The following ELL3 variants were observed in gnomAD, a reference collection of about 807,000 sequenced individuals.
ELL3 encodes RNA polymerase II elongation factor ELL3.
ELL3 carries 48 observed loss-of-function variants against 58.5 expected under a neutral mutation model. That is an observed-to-expected ratio of 0.82 (90% CI 0.65 to 1.04). The LOEUF is 1.04. Among genes scored for constraint, ELL3 ranks in the 50% least tolerant of loss-of-function variants. The pLI is 0.00. For synonymous variants in ELL3, 174 were observed against 173.2 expected, an observed-to-expected ratio of 1.00 and a Z score of -0.04; for missense variants, 458 against 478.4, an observed-to-expected ratio of 0.96 and a Z score of 0.40.
Position 43,776,944 on chromosome 15 carries a change from G to T in ELL3, c.-43C>A. On this transcript the variant is annotated 5_prime_UTR_variant, in exon 1 of 11. Coordinates refer to ENST00000319359, the MANE Select transcript of ELL3 (RefSeq NM_025165.3). Reference sequence around the variant, plus strand: ...CAAGCAGCACGGGGGCCACAGGCGAGGGCCACCACCGCCACCTCCTCTGTT... The same window carrying T: ...CAAGCAGCACGGGGGCCACAGGCGATGGCCACCACCGCCACCTCCTCTGTT... 6.2e-7 allele frequency: 1 copy of T among 1,602,132 alleles called. No individual in the cohort carries two copies. The highest frequency in any genetic ancestry group is 8.5e-7 in the Non-Finnish European group (1 of 1,178,536).
Position 43,775,626 on chromosome 15 carries a change from G to C in ELL3, c.484-16C>G. On this transcript the variant is annotated splice_polypyrimidine_tract_variant and intron_variant, in intron 4 of 10. Transcript: ENST00000319359. ...ACACTGACACCTGGTGGGGAAAGTG[G>C]CAGGAGCACTTGGTTCCCTGGAGTA... is the stretch of plus-strand genomic sequence containing the variant. 1 of 1,614,152 alleles carries C rather than the reference G, an allele frequency of 6.2e-7. No homozygotes were observed. The highest frequency in any genetic ancestry group is 8.5e-7 in the Non-Finnish European group (1 of 1,180,022).
At chr15:43,773,412 G>A in intron 9 of ELL3, 64 bp from the exon 10 acceptor site, 1 of 1,579,038 alleles carries the variant, frequency 6.3e-7, no homozygotes, top group Non-Finnish European at 8.7e-7. Context: ...GGCCAGGCAT[G>A]GTGGCTCACG....
At chr15:43,773,754 C>T (rs906101537) in intron 9 of ELL3, among the ~76,000 whole-genome samples, 14 of 151,838 alleles carry the variant, frequency 9.2e-5, no homozygotes, top group Non-Finnish European at 1.8e-4. Flanking sequence ...GTAATCCCAG[C>T]GCTTTGGGAG....
In ELL3 at chr15:43,775,607, A is replaced by T. The variant is rs779697747; in HGVS notation, c.487T>A (p.Ser163Thr). The T allele has an allele frequency of 2.5e-6, 4 of 1,614,164 alleles. No individual in the cohort carries two copies. Among genetic ancestry groups the T allele is most frequent in the South Asian group, 2.2e-5 (2 of 91,080 alleles). ...TTGCTTGCCAGTGGATCTGACACTG[A>T]CACCTGGTGGGGAAAGTGGCAGGAG... ...SQPQMALEEVSVSDPLASNQG... is the reference protein window; with the variant it reads ...SQPQMALEEVTVSDPLASNQG... Residue 163 changes from serine to threonine, a missense_variant, in exon 5 of 11, where the codon TCA becomes ACA. Coordinates refer to ENST00000319359, the MANE Select transcript of ELL3 (RefSeq NM_025165.3).
chr15:43,775,129 C>A (rs929854644), intron 6 of ELL3, among the ~76,000 whole-genome samples, 177 bp downstream of exon 6: 4 of 151,948 alleles, frequency 2.6e-5, no homozygotes, highest in Admixed American at 2.0e-4. Context: ...ATGGCCTGAG[C>A]CCAGGAGTCT....
intron 2 of ELL3, 47 bp downstream of exon 2, chr15:43,776,462 T>A: frequency 1.3e-6 from 2 of 1,555,090 alleles, no homozygotes; most frequent in Non-Finnish European, 1.7e-6. Flanking sequence ...CCCACGTTTA[T>A]GCTCCCTCGC....
At position 43,773,122 on chromosome 15, in the gene ELL3, G is replaced by A. The variant is rs753020171; in HGVS notation, c.1188C>T (p.Gly396=). Residue 396 remains glycine, a synonymous_variant, in exon 11 of 11, where the codon GGC becomes GGT. Coordinates refer to ENST00000319359, the MANE Select transcript of ELL3 (RefSeq NM_025165.3). ...LILEFEEKNR[G]S ...AAAAATTCCCTTGATAACTTCAGCT[G>A]CCCCTGTTCTTTTCCTCAAACTCCA... 14 of 1,603,686 alleles carry A rather than the reference G, an allele frequency of 8.7e-6. No homozygotes were observed. Among genetic ancestry groups the A allele is most frequent in the Non-Finnish European group, 1.2e-5 (14 of 1,176,952 alleles).
Position 43,776,544 on chromosome 15 carries a change from C to T in ELL3, c.133G>A (p.Val45Ile), listed in dbSNP as rs201169965. 66 of 1,567,572 alleles carry T rather than the reference C, an allele frequency of 4.2e-5. No individual in the cohort carries two copies. In the Middle Eastern group the frequency reaches 5.0e-4, roughly 12 times the overall value. The stretch of plus-strand genomic sequence containing the variant: ...CCTTGGAAAGCAATCACCGGCCGTA[C>T]CTGCGGGGAGAGCGAAGATGTGACC... ...RALQECQRQQ[V>I]RPVIAFQGHR... Residue 45 changes from valine (V) to isoleucine (I), a missense_variant and splice_region_variant, in exon 2 of 11, where the codon GTA becomes ATA. Coordinates refer to ENST00000319359, the MANE Select transcript of ELL3 (RefSeq NM_025165.3).
At chr15:43,775,230 G>A in intron 6 of ELL3, 76 bp downstream of exon 6, 2 of 1,407,756 alleles carry the variant, frequency 1.4e-6, no homozygotes, top group Non-Finnish European at 9.6e-7. Context: ...GACTAAAAGT[G>A]CTTTTCAAAA....
chr15:43,775,276 A>C (rs1306038343), intron 6 of ELL3, 30 bp downstream of exon 6: 4 of 1,480,670 alleles, frequency 2.7e-6, no homozygotes, highest in African/African-American at 1.4e-5. Context: ...TTAATGTTAC[A>C]AAAAAAAAGC....
chr15:43,772,919 A>G lies in ELL3; in HGVS notation c.*197T>C. 2.1e-6 allele frequency: 1 copy of G among 476,504 alleles called. No individual in the cohort carries two copies. Among genetic ancestry groups the G allele is most frequent in the Non-Finnish European group, 3.6e-6 (1 of 274,046 alleles). The allele number at this position is 476,504 out of a possible 1,614,324, so 29.5% of individuals were successfully genotyped here. A position where few individuals can be genotyped will look rare whatever the true frequency, so the allele number is the denominator to read the frequency against. The stretch of plus-strand genomic sequence containing the variant: ...CCTAGACTCCTAGGCACAGCTATGG[A>G]GTCTTTGCACAGTGCCCATACCCTA... On this transcript the variant is annotated 3_prime_UTR_variant, in exon 11 of 11. Transcript: ENST00000319359.
chr15:43,776,783 C>A lies in ELL3; in HGVS notation c.119G>T (p.Cys40Phe), dbSNP rs150779428. The part of the protein sequence containing the change: ...NDAALRALQE[C>F]QRQQVRPVIA... ...GGCCGGCCGTACCTGTTGCCGCTGA[C>A]ACTCTTGCAGCGCCCGCAGGGCAGC... The change falls in exon 1 of 11, where the codon TGT (cysteine) becomes TTT (phenylalanine). Residue 40 changes from cysteine to phenylalanine, a missense_variant. Transcript: ENST00000319359. 233 of 1,605,864 alleles carry A rather than the reference C, an allele frequency of 1.5e-4. No homozygotes were observed. The Middle Eastern group carries it at 1.7e-3, about 11-fold the overall frequency.
At position 43,775,304 on chromosome 15, in the gene ELL3, A is replaced by T; in HGVS notation, c.645+2T>A. On this transcript the variant is annotated splice_donor_variant, in intron 6 of 10. Transcript: ENST00000319359. LOFTEE classifies it high-confidence loss of function. ...AAAAAAGCCCTTGCCATTCTAACTT[A>T]CCTTGTCCAGACGTTTCCGGCTGGC... The T allele has an allele frequency of 6.2e-7, 1 of 1,603,274 alleles. No homozygotes were observed. The highest frequency in any genetic ancestry group is 8.5e-7 in the Non-Finnish European group (1 of 1,174,312).
Position 43,776,563 on chromosome 15 carries a change from T to C in ELL3, c.133-19A>G. 3.2e-6 allele frequency: 5 copies of C among 1,565,362 alleles called. No homozygotes were observed. The highest frequency in any genetic ancestry group is 1.2e-5 in the South Asian group (1 of 85,512). ...GCCGTACCTGCGGGGAGAGCGAAGA[T>C]GTGACCGTTGAGCGCAGGTGAAGCA... On this transcript the variant is annotated intron_variant, in intron 1 of 10. Coordinates refer to ENST00000319359, the MANE Select transcript of ELL3 (RefSeq NM_025165.3).
rs764170894 is a variant in ELL3 at position 43,775,771 on chromosome 15, C to T, written c.434G>A (p.Gly145Asp). 6.2e-7 allele frequency: 1 copy of T among 1,614,196 alleles called. No homozygotes were observed. Among genetic ancestry groups the T allele is most frequent in the South Asian group, 1.1e-5 (1 of 91,070 alleles). The change falls in exon 4 of 11, where the codon GGC becomes GAC. Residue 145 changes from glycine to aspartate, a missense_variant. Gly to Asp is a moderately conservative substitution (Grantham distance 94). Coordinates refer to ENST00000319359, the MANE Select transcript of ELL3 (RefSeq NM_025165.3). ...TGATACTGCATCTCCTTCAGAATAG[C>T]CTCCTGTGTTCTGCCAACTCTCAGG... ...RHPESWQNTG[G>D]YSEGDAVSQP...
chr15:43,773,098 A>G lies in ELL3; in HGVS notation c.*18T>C, dbSNP rs181267189. ...TTGTGTTTCACTAAGCAGAGGCTCA[A>G]AAATTCCCTTGATAACTTCAGCTGC... is the stretch of plus-strand genomic sequence containing the variant. On this transcript the variant is annotated 3_prime_UTR_variant, in exon 11 of 11. Transcript: ENST00000319359. The G allele has an allele frequency of 1.1e-5, 18 of 1,581,496 alleles. No individual in the cohort carries two copies. Among genetic ancestry groups the G allele is most frequent in the Non-Finnish European group, 1.5e-5 (18 of 1,168,216 alleles).
rs371231778 is a variant in ELL3, at chr15:43,773,390, TGA to T, written c.1039-44_1039-43del. On this transcript the variant is annotated intron_variant, in intron 9 of 10. Transcript: ENST00000319359. Reference sequence around the variant, plus strand: ...TAGCACTGAGTTCAACATTAAGAAATGAGAGAGGGGCGGCCAGGCATGGTGGC... The same window carrying T: ...TAGCACTGAGTTCAACATTAAGAAATGAGAGGGGCGGCCAGGCATGGTGGC... 7.0e-5 allele frequency: 113 copies of T among 1,611,300 alleles called. No individual in the cohort carries two copies. In the African/African-American group the frequency reaches 1.3e-3, roughly 19 times the overall value.
At chr15:43,776,590 T>G in intron 1 of ELL3, 46 bp from the exon 2 acceptor site, 1 of 1,558,108 alleles carries the variant, frequency 6.4e-7, no homozygotes, top group Non-Finnish European at 8.7e-7. Flanking sequence ...GGTGAAGCAG[T>G]GTCCCCAGGA....
At chr15:43,776,388 T>C (rs1360716880) in intron 2 of ELL3, 121 bp downstream of exon 2, 12 of 1,470,464 alleles carry the variant, frequency 8.2e-6, no homozygotes, top group Admixed American at 3.9e-5. Flanking sequence ...AGTTCAGTTA[T>C]CGGAACTACC....
Sources: allele counts gnomAD v4.1 joint callset (sites outside exome capture counted in the v4.1 genomes callset), GRCh38; gene constraint gnomAD v4.1.1; transcripts MANE v1.5; gene names NCBI Gene and HGNC (gene_info 2026-07-23, HGNC 2026-07-21).